Variants in SLC9A8 observed in about 807,000 individuals in gnomAD.
SLC9A8 encodes solute carrier family 9 member A8.
In SLC9A8, 48 loss-of-function variants were observed where a neutral mutation model predicts 66.6. That is an observed-to-expected ratio of 0.72 (90% confidence interval 0.57 to 0.92). The LOEUF (loss-of-function observed/expected upper bound fraction) is 0.92. SLC9A8 is among the 40% of genes least tolerant of loss of function. The pLI, the probability that SLC9A8 is intolerant of heterozygous loss-of-function variation, is 0.00. For missense variants in SLC9A8, 599 were observed against 747.3 expected, an observed-to-expected ratio of 0.80 and a Z score of 2.31; for synonymous variants, 274 against 282.6, an observed-to-expected ratio of 0.97 and a Z score of 0.31.
rs562744652 is a variant in SLC9A8 at position 49,882,402 on chromosome 20, C to T, written c.1270+1367C>T. ...GCGAGGACCACTTCACTCTCTTCCCCGGCCTCTGGGCCATGCTCCTCCTTT... is the reference window on the plus strand; with the variant it reads ...GCGAGGACCACTTCACTCTCTTCCCTGGCCTCTGGGCCATGCTCCTCCTTT... On this transcript the variant is annotated intron_variant, in intron 13 of 15. Transcript: ENST00000361573. 1.4e-4 allele frequency among the ~76,000 whole-genome samples: 22 copies of T among 152,346 alleles called. 2 individuals carry two copies. In the South Asian group the frequency reaches 3.5e-3, roughly 24 times the overall value.
intron 7 of SLC9A8, among the ~76,000 whole-genome samples, chr20:49,852,932 A>G (rs1051769268): frequency 9.2e-5 from 14 of 152,132 alleles, no homozygotes; most frequent in Non-Finnish European, 2.1e-4. Context: ...GGTCCTGACG[A>G]CATGTACCCA....
At chr20:49,821,499 A>G (rs954402874) in intron 2 of SLC9A8, among the ~76,000 whole-genome samples, 2 of 152,238 alleles carry the variant, frequency 1.3e-5, no homozygotes, top group African/African-American at 4.8e-5. Context: ...CAAAATGTCT[A>G]CATTTACAAC....
At chr20:49,830,059 T>C (rs17786027) in intron 3 of SLC9A8, 50,974 of 706,750 alleles carry the variant, frequency 0.072, 2,113 homozygotes, top group Middle Eastern at 0.097. Context: ...GAAGCGAGCC[T>C]GTTAAAGATG....
At chr20:49,885,266 G>A (rs546199902) in intron 14 of SLC9A8, among the ~76,000 whole-genome samples, 34 of 152,304 alleles carry the variant, frequency 2.2e-4, no homozygotes, top group African/African-American at 8.2e-4. Context: ...CTACACACAG[G>A]CTGCTGGGTC....
intron 13 of SLC9A8, among the ~76,000 whole-genome samples, chr20:49,882,264 A>G (rs2089653344): frequency 3.9e-5 from 6 of 152,170 alleles, no homozygotes; most frequent in Admixed American, 3.9e-4. Context: ...CCGCCTGTCC[A>G]CGGGGCTGGA....
chr20:49,867,382 G>A (rs574437085), intron 10 of SLC9A8, among the ~76,000 whole-genome samples: 140 of 152,034 alleles, frequency 9.2e-4, no homozygotes, highest in Non-Finnish European at 1.7e-3. Flanking sequence ...GAGTAGCAGG[G>A]CCCTAACTAA....
chr20:49,885,553 T>C (rs971931899), intron 14 of SLC9A8, among the ~76,000 whole-genome samples: 1 of 152,210 alleles, frequency 6.6e-6, no homozygotes, highest in African/African-American at 2.4e-5. Flanking sequence ...AGAATTTGCG[T>C]TTCTAACAAG....
At chr20:49,828,540 TAA>T (rs772428822) in intron 3 of SLC9A8, among the ~76,000 whole-genome samples, 11 of 128,446 alleles carry the variant, frequency 8.6e-5, no homozygotes, top group Non-Finnish European at 1.2e-4. Flanking sequence ...TGTTTTTAAT[TAA>T]AAAAAAAAAA....
At chr20:49,829,563 T>G in intron 3 of SLC9A8, 1 of 309,334 alleles carries the variant, frequency 3.2e-6, no homozygotes. Context: ...TGCTTCTTTG[T>G]GAAATTTTTT....
chr20:49,863,191 T>C (rs896480788), intron 9 of SLC9A8, 124 bp downstream of exon 9: 2 of 849,962 alleles, frequency 2.4e-6, no homozygotes, highest in Non-Finnish European at 3.5e-6. Context: ...AAAGGAGGAT[T>C]TTTTTGCTTA....
intron 2 of SLC9A8, among the ~76,000 whole-genome samples, chr20:49,815,602 A>G (rs2086518419): frequency 6.6e-6 from 1 of 151,984 alleles, no homozygotes; most frequent in South Asian, 2.1e-4. Context: ...AAAATTAGCT[A>G]GGCGTAGTGG....
chr20:49,829,080 G>A (rs1367606504), intron 3 of SLC9A8: 1 of 150,694 alleles, frequency 6.6e-6, no homozygotes, highest in African/African-American at 2.4e-5. Context: ...ATACATTTGA[G>A]GATGTTTTCG....
chr20:49,834,210 T>C (rs531544522), intron 3 of SLC9A8, among the ~76,000 whole-genome samples: 5,922 of 94,826 alleles, frequency 0.062, 207 homozygotes, highest in Middle Eastern at 0.11. Context: ...TATATATATA[T>C]ATATACACAC....
chr20:49,866,876 G>A (rs2088992397), intron 10 of SLC9A8, among the ~76,000 whole-genome samples: 1 of 151,822 alleles, frequency 6.6e-6, no homozygotes, highest in Admixed American at 6.6e-5. Flanking sequence ...TCTGCCATGT[G>A]GAATCTCCTG....
Position 49,832,223 on chromosome 20 carries a change from C to T in SLC9A8, c.290-7318C>T, listed in dbSNP as rs77786343. On this transcript the variant is annotated intron_variant, in intron 3 of 15. Coordinates refer to ENST00000361573, the MANE Select transcript of SLC9A8 (RefSeq NM_015266.3). Reference sequence around the variant, plus strand: ...GTCCCTTCTTTGGCCCAGACCCAGCCTGACCAACGATAAGCATTTCTTAGG... The same window carrying T: ...GTCCCTTCTTTGGCCCAGACCCAGCTTGACCAACGATAAGCATTTCTTAGG... Among the ~76,000 whole-genome samples the T allele has an allele frequency of 4.1e-3, 628 of 152,308 alleles. 5 individuals carry two copies. The highest frequency in any genetic ancestry group is 0.015 in the African/African-American group (608 of 41,556).
intron 3 of SLC9A8, among the ~76,000 whole-genome samples, chr20:49,837,000 A>G (rs528112989): frequency 6.6e-6 from 1 of 152,264 alleles, no homozygotes; most frequent in Non-Finnish European, 1.5e-5. Context: ...AAAAGTTAAC[A>G]TACCTCCCTC....
At chr20:49,864,625 T>C (rs2088886576) in intron 9 of SLC9A8, 114 bp from the exon 10 acceptor site, 2 of 712,190 alleles carry the variant, frequency 2.8e-6, no homozygotes, top group Non-Finnish European at 5.0e-6. Context: ...TGGGACATTC[T>C]AAAATCTATA....
intron 8 of SLC9A8, 53 bp downstream of exon 8, chr20:49,855,634 C>G: frequency 6.4e-7 from 1 of 1,561,786 alleles, no homozygotes; most frequent in Non-Finnish European, 8.7e-7. Flanking sequence ...ACTAAAGGTC[C>G]TTGTAACAAA....
At position 49,886,742 on chromosome 20, in the gene SLC9A8, C is replaced by T. The variant is rs1568887712; in HGVS notation, c.1492-10C>T. ...TGGTGGCCGTCGGGCCGCCTTTCCTCCCTGCTCAGGGCAACACTGTGGAGT... is the reference window on the plus strand; with the variant it reads ...TGGTGGCCGTCGGGCCGCCTTTCCTTCCTGCTCAGGGCAACACTGTGGAGT... On this transcript the variant is annotated splice_polypyrimidine_tract_variant and intron_variant, in intron 14 of 15. Transcript: ENST00000361573. The surrounding 1 kb of genome is among the most constrained non-coding windows in gnomAD (Gnocchi z 4.8). 2 of 1,611,298 alleles carry T rather than the reference C, an allele frequency of 1.2e-6. No homozygotes were observed. The highest frequency in any genetic ancestry group is 1.7e-6 in the Non-Finnish European group (2 of 1,178,728).
Sources: allele counts gnomAD v4.1 joint callset (sites outside exome capture counted in the v4.1 genomes callset), GRCh38; gene constraint gnomAD v4.1.1; non-coding constraint Gnocchi (gnomAD v3.1); transcripts MANE v1.5; gene names NCBI Gene and HGNC (gene_info 2026-07-23, HGNC 2026-07-21).